Variants in COL22A1 observed in about 807,000 individuals in gnomAD.
The protein encoded by COL22A1 is collagen type XXII alpha 1 chain.
Under a neutral mutation model 248.9 loss-of-function variants are expected in COL22A1, and 221 were observed. The observed-to-expected ratio is 0.89, with a 90% confidence interval of 0.80 to 0.99. The LOEUF (loss-of-function observed/expected upper bound fraction) is 0.99. Ranked by LOEUF, COL22A1 falls within the 50% of genes least tolerant of loss-of-function variation. The probability of loss-of-function intolerance (pLI) is 0.00; values close to 1 mark genes in which losing one functional copy is unlikely to be tolerated. For synonymous variants in COL22A1, 891 were observed against 793.4 expected (o/e 1.12, Z -2.07); for missense variants, 2,240 against 2,179.0 (o/e 1.03, Z -0.56).
chr8:138,667,372 G>A (rs1382115323), intron 41 of COL22A1, among the ~76,000 whole-genome samples: 1 of 152,140 alleles, frequency 6.6e-6, no homozygotes, highest in Non-Finnish European at 1.5e-5. Flanking sequence ...GACCATCAAA[G>A]ATTGCTAGGT....
chr8:138,777,278 C>T (rs567546453), intron 15 of COL22A1, among the ~76,000 whole-genome samples: 5 of 152,196 alleles, frequency 3.3e-5, no homozygotes, highest in Admixed American at 1.3e-4. Context: ...GGCCACAAGA[C>T]GCCGTCCTAA....
At chr8:138,714,723 C>T (rs193159844) in intron 30 of COL22A1, among the ~76,000 whole-genome samples, 1 of 152,178 alleles carries the variant, frequency 6.6e-6, no homozygotes, top group East Asian at 1.9e-4. Flanking sequence ...GAAGACAATG[C>T]CAACGAAGCC....
intron 30 of COL22A1, among the ~76,000 whole-genome samples, chr8:138,714,375 C>G (rs79787108): frequency 2.0e-5 from 3 of 152,176 alleles, no homozygotes; most frequent in Admixed American, 6.5e-5. Context: ...TCTCATTGAC[C>G]TCATCCCCTG....
intron 41 of COL22A1, among the ~76,000 whole-genome samples, chr8:138,668,823 GAGTC>G (rs991969671): frequency 1.3e-5 from 2 of 152,240 alleles, no homozygotes; most frequent in Non-Finnish European, 2.9e-5. Context: ...CAGGTTCAGT[GAGTC>G]AGGGTTACGG....
chr8:138,754,461 T>C lies in COL22A1; in HGVS notation c.2031+696A>G, dbSNP rs73437364. Among the ~76,000 whole-genome samples the C allele has an allele frequency of 9.3e-3, 1,414 of 152,346 alleles. 23 individuals carry two copies. The highest frequency in any genetic ancestry group is 0.031 in the African/African-American group (1,303 of 41,586). On this transcript the variant is annotated intron_variant, in intron 21 of 64. Transcript: ENST00000303045. ...AAGAGTGGGCCTCAATAGCTTAAAA[T>C]AAATCTGATCTATGTTCATTTATAA... is the stretch of plus-strand genomic sequence containing the variant.
intron 15 of COL22A1, chr8:138,777,864 G>C (rs1212391795): frequency 5.7e-6 from 1 of 174,730 alleles, no homozygotes; most frequent in Non-Finnish European, 1.2e-5. Context: ...ATCGAGAATA[G>C]TGTTAAATGG....
At chr8:138,623,659 T>C in intron 52 of COL22A1, 73 bp downstream of exon 52, 31 of 1,337,914 alleles carry the variant, frequency 2.3e-5, no homozygotes, top group Non-Finnish European at 3.1e-5. Flanking sequence ...AAATAGCTCC[T>C]CACACAAAGT....
intron 50 of COL22A1, among the ~76,000 whole-genome samples, chr8:138,626,901 G>C (rs902768095): frequency 6.6e-6 from 1 of 152,022 alleles, no homozygotes; most frequent in Admixed American, 6.6e-5. Flanking sequence ...TATATAATCA[G>C]TGCCCTAATT....
chr8:138,701,029 G>A (rs2130979470), intron 31 of COL22A1, among the ~76,000 whole-genome samples: 1 of 145,086 alleles, frequency 6.9e-6, no homozygotes, highest in African/African-American at 2.5e-5. Context: ...CAGGTGTCAT[G>A]CTTTCTCCAG....
intron 9 of COL22A1, 87 bp downstream of exon 9, chr8:138,811,710 CCT>C (rs1818243026): frequency 6.6e-7 from 1 of 1,516,764 alleles, no homozygotes; most frequent in Non-Finnish European, 9.1e-7. Context: ...CTGGTGCCCC[CCT>C]GACCTGAAAG....
At chr8:138,763,318 C>G (rs4387007) in intron 16 of COL22A1, among the ~76,000 whole-genome samples, 1 of 151,630 alleles carries the variant, frequency 6.6e-6, no homozygotes, top group Non-Finnish European at 1.5e-5. Context: ...ACCCAGGAGA[C>G]AGTGGCTGCA....
Position 138,594,115 on chromosome 8 carries a change from C to T in COL22A1, c.4517G>A (p.Gly1506Glu). 1 of 1,581,374 alleles carries T rather than the reference C, an allele frequency of 6.3e-7. No homozygotes were observed. The highest frequency in any genetic ancestry group is 8.5e-7 in the Non-Finnish European group (1 of 1,170,036). The change falls in exon 63 of 65, where the codon GGA becomes GAA. Residue 1506 changes from glycine (G) to glutamate (E), a missense_variant. By Grantham distance (98) the Gly-to-Glu change is moderately conservative. Transcript: ENST00000303045. ...QGRPGPPGPP[G>E]KDGLPGRAGP... is the part of the protein sequence containing the mutation. Reference sequence around the variant, plus strand: ...GGCCCGGCCTGGAAGCCCATCTTTTCCAGGGGGCCCTGGGGGCCCAGGTCT... The same window carrying T: ...GGCCCGGCCTGGAAGCCCATCTTTTTCAGGGGGCCCTGGGGGCCCAGGTCT...
chr8:138,656,068 G>T, intron 44 of COL22A1, 124 bp from the exon 45 acceptor site: 1 of 766,826 alleles, frequency 1.3e-6, no homozygotes, highest in Non-Finnish European at 2.2e-6. Flanking sequence ...GCCGTGCGTG[G>T]GATACGGACA....
At chr8:138,887,558 T>C (rs1217045625) in intron 1 of COL22A1, among the ~76,000 whole-genome samples, 1 of 152,242 alleles carries the variant, frequency 6.6e-6, no homozygotes, top group Non-Finnish European at 1.5e-5. Context: ...GTCTGGCCTA[T>C]TAAAAATTCC....
At chr8:138,796,967 G>T in intron 11 of COL22A1, 110 bp from the exon 12 acceptor site, 1 of 791,306 alleles carries the variant, frequency 1.3e-6, no homozygotes, top group Non-Finnish European at 2.3e-6. Flanking sequence ...TTTCTCATCA[G>T]CTCTGCCCAG....
At chr8:138,636,917 G>T in intron 47 of COL22A1, 122 bp from the exon 48 acceptor site, 1 of 839,464 alleles carries the variant, frequency 1.2e-6, no homozygotes. Context: ...TCAAGTTCCT[G>T]TGGTAGCTCA....
intron 32 of COL22A1, among the ~76,000 whole-genome samples, chr8:138,695,740 C>T (rs1179623636): frequency 1.3e-5 from 2 of 152,070 alleles, no homozygotes; most frequent in African/African-American, 4.8e-5. Flanking sequence ...GTGCCCAACA[C>T]ATCTCCCAGG....
chr8:138,872,191 C>A (rs117651237), intron 3 of COL22A1, among the ~76,000 whole-genome samples: 1,738 of 152,266 alleles, frequency 0.011, 19 homozygotes, highest in Admixed American at 0.023. Context: ...TACTCCCACC[C>A]TCAGTCGTAT....
chr8:138,690,350 CA>C (rs1826740352), intron 36 of COL22A1, among the ~76,000 whole-genome samples: 1 of 151,980 alleles, frequency 6.6e-6, no homozygotes, highest in African/African-American at 2.4e-5. Context: ...CTCGTCAGGC[CA>C]AAAAAGATGC....
Sources: allele counts gnomAD v4.1 joint callset (sites outside exome capture counted in the v4.1 genomes callset), GRCh38; gene constraint gnomAD v4.1.1; transcripts MANE v1.5; gene names NCBI Gene and HGNC (gene_info 2026-07-23, HGNC 2026-07-21).